Variants in LRRC4C observed in about 807,000 individuals in gnomAD.
LRRC4C encodes the protein leucine-rich repeat-containing protein 4C.
Under a neutral mutation model 33.6 loss-of-function variants are expected in LRRC4C, and 5 were observed. The ratio of observed to expected loss-of-function variants is 0.15; its 90% CI spans 0.08 to 0.31. LRRC4C has a LOEUF of 0.31. Ranked by LOEUF, LRRC4C falls within the 10% of genes least tolerant of loss-of-function variation. The pLI is 1.00. For missense variants in LRRC4C, 560 were observed against 796.7 expected, an observed-to-expected ratio of 0.70 and a Z score of 3.58; for synonymous variants, 329 against 302.0, an observed-to-expected ratio of 1.09 and a Z score of -0.93.
At chr11:40,811,984 T>A (rs1951512057) in intron 2 of LRRC4C, among the ~76,000 whole-genome samples, 1 of 152,218 alleles carries the variant, frequency 6.6e-6, no homozygotes, top group South Asian at 2.1e-4. Context: ...TTATTATTAA[T>A]GAGACTTAGT....
chr11:40,994,506 T>C (rs955162455), intron 1 of LRRC4C, among the ~76,000 whole-genome samples: 1 of 152,008 alleles, frequency 6.6e-6, no homozygotes, highest in East Asian at 1.9e-4. Context: ...GGCTTGGAGG[T>C]TCACAATTTA....
At chr11:40,582,222 A>G (rs542094662) in intron 3 of LRRC4C, among the ~76,000 whole-genome samples, 101 of 152,306 alleles carry the variant, frequency 6.6e-4, no homozygotes, top group Non-Finnish European at 1.2e-3. Context: ...AAGGTTTTAA[A>G]ATTTTGTTCC....
At position 40,947,030 on chromosome 11, in the gene LRRC4C, C is replaced by T. The variant is rs376340893; in HGVS notation, c.-495-13307G>A. On this transcript the variant is annotated intron_variant, in intron 1 of 6. Coordinates refer to ENST00000528697, the MANE Select transcript of LRRC4C (RefSeq NM_001258419.2). ...CCCCTGAATGACTTTTGGGTATAAG[C>T]GAAGTTAAGGCAGAAGTCGTACATT... Among the ~76,000 whole-genome samples, 77 of 152,072 alleles carry T rather than the reference C, an allele frequency of 5.1e-4. 1 individual carries two copies. The East Asian group carries it at 0.014, about 28-fold the overall frequency.
chr11:40,221,657 C>T (rs374617192), intron 5 of LRRC4C, among the ~76,000 whole-genome samples: 2 of 152,056 alleles, frequency 1.3e-5, no homozygotes, highest in Non-Finnish European at 1.5e-5. Context: ...GCAGACAGCC[C>T]GGCGCCACAC....
At chr11:40,418,999 T>C (rs1006773079) in intron 3 of LRRC4C, among the ~76,000 whole-genome samples, 10 of 152,070 alleles carry the variant, frequency 6.6e-5, no homozygotes, top group Non-Finnish European at 1.5e-4. Context: ...AGGGAGAGCA[T>C]CAGGATAAAT....
intron 1 of LRRC4C, among the ~76,000 whole-genome samples, chr11:40,992,638 A>AT (rs755885165): frequency 1.3e-5 from 2 of 152,106 alleles, no homozygotes; most frequent in Non-Finnish European, 2.9e-5. Context: ...ACGTTGTTTG[A>AT]TTTTTCCCCA....
At chr11:40,832,420 G>C (rs1025534555) in intron 2 of LRRC4C, among the ~76,000 whole-genome samples, 1 of 152,214 alleles carries the variant, frequency 6.6e-6, no homozygotes, top group African/African-American at 2.4e-5. Context: ...ATTTTAGTAT[G>C]TCAGACTCTG....
intron 4 of LRRC4C, among the ~76,000 whole-genome samples, chr11:40,290,525 GAACAGGCTC>G: frequency 6.6e-6 from 1 of 152,300 alleles, no homozygotes; most frequent in East Asian, 1.9e-4. Context: ...GTGAGTGTAA[GAACAGGCTC>G]AGATGCTTTC....
chr11:40,750,048 C>A (rs1459874168), intron 2 of LRRC4C, among the ~76,000 whole-genome samples: 7 of 151,994 alleles, frequency 4.6e-5, no homozygotes, highest in African/African-American at 1.7e-4. Flanking sequence ...TGGTGAAAAC[C>A]CCTCTCTACT....
At chr11:40,757,631 C>CTTTTTTT in intron 2 of LRRC4C, among the ~76,000 whole-genome samples, 1 of 146,996 alleles carries the variant, frequency 6.8e-6, no homozygotes, top group Non-Finnish European at 1.5e-5. Context: ...TTTTTCTCAG[C>CTTTTTTT]AAGCTGTTGT....
At chr11:41,226,584 G>C in intron 1 of LRRC4C, among the ~76,000 whole-genome samples, 1 of 151,948 alleles carries the variant, frequency 6.6e-6, no homozygotes, top group East Asian at 1.9e-4. Flanking sequence ...TTTTTCTTTT[G>C]CTTACAGTCA....
chr11:40,635,251 G>A (rs1003385906), intron 3 of LRRC4C, among the ~76,000 whole-genome samples: 8 of 152,200 alleles, frequency 5.3e-5, no homozygotes, highest in South Asian at 2.1e-4. Context: ...CCAAGTGGGT[G>A]TGTGTTACTG....
At chr11:41,256,316 C>G (rs1007690826) in intron 1 of LRRC4C, among the ~76,000 whole-genome samples, 4 of 152,022 alleles carry the variant, frequency 2.6e-5, no homozygotes, top group Non-Finnish European at 5.9e-5. Flanking sequence ...TCCCACTCTA[C>G]AGGAAGTAAC....
At chr11:40,621,124 C>T (rs573179852) in intron 3 of LRRC4C, among the ~76,000 whole-genome samples, 1 of 151,808 alleles carries the variant, frequency 6.6e-6, no homozygotes, top group East Asian at 1.9e-4. Flanking sequence ...TAAATCAAAA[C>T]ATCCTCTTAG....
intron 1 of LRRC4C, among the ~76,000 whole-genome samples, chr11:41,272,112 A>C (rs915399374): frequency 6.6e-6 from 1 of 152,186 alleles, no homozygotes. Context: ...AGGAGTCATC[A>C]AAATATGCTA....
chr11:40,695,726 A>G (rs970967717), intron 2 of LRRC4C, among the ~76,000 whole-genome samples: 1 of 151,906 alleles, frequency 6.6e-6, no homozygotes, highest in Non-Finnish European at 1.5e-5. Context: ...TCCATCTTCA[A>G]AGCCAGCAAT....
intron 1 of LRRC4C, among the ~76,000 whole-genome samples, chr11:41,112,584 T>G (rs1436075049): frequency 6.6e-6 from 1 of 152,076 alleles, no homozygotes; most frequent in Non-Finnish European, 1.5e-5. Context: ...CTTTAAAATT[T>G]TATAAACAAA....
intron 5 of LRRC4C, among the ~76,000 whole-genome samples, chr11:40,235,567 A>T (rs1590784092): frequency 6.6e-6 from 1 of 152,330 alleles, no homozygotes; most frequent in Non-Finnish European, 1.5e-5. Context: ...AAAAGCTCAA[A>T]TACCTAAGTG....
Position 41,079,530 on chromosome 11 carries a change from C to T in LRRC4C, c.-495-145807G>A, listed in dbSNP as rs191014141. 2.4e-3 allele frequency among the ~76,000 whole-genome samples: 360 copies of T among 152,014 alleles called. 3 individuals carry two copies. Among genetic ancestry groups the T allele is most frequent in the African/African-American group, 8.2e-3 (342 of 41,464 alleles). On this transcript the variant is annotated intron_variant, in intron 1 of 6. Coordinates refer to ENST00000528697, the MANE Select transcript of LRRC4C (RefSeq NM_001258419.2). ...GGGTAACTTATGTGCCCCCCAAGAG[C>T]AAAAAGATGTATTGCAATATCTGGG...
Sources: allele counts gnomAD v4.1 joint callset (sites outside exome capture counted in the v4.1 genomes callset), GRCh38; gene constraint gnomAD v4.1.1; transcripts MANE v1.5; gene names NCBI Gene and HGNC (gene_info 2026-07-23, HGNC 2026-07-21).